GRM8: variants seen among roughly 807,000 people sequenced by gnomAD.
GRM8 encodes the protein glutamate metabotropic receptor 8.
In GRM8, 47 loss-of-function variants were observed where a neutral mutation model predicts 87.2. The observed-to-expected ratio is 0.54, with a 90% CI of 0.43 to 0.69. GRM8 has a LOEUF of 0.69. GRM8 is among the 30% of genes least tolerant of loss of function. The probability of loss-of-function intolerance (pLI) is 0.00; values close to 1 mark genes in which losing one functional copy is unlikely to be tolerated. For synonymous variants in GRM8, 396 were observed against 404.5 expected (o/e 0.98, Z 0.25); for missense variants, 1,019 against 1,139.2 (o/e 0.89, Z 1.52).
intron 3 of GRM8, among the ~76,000 whole-genome samples, chr7:127,028,168 T>C (rs1482753976): frequency 6.6e-6 from 1 of 152,226 alleles, no homozygotes; most frequent in Non-Finnish European, 1.5e-5. Context: ...CTTGCTTGCA[T>C]CCCAGGGATG....
chr7:126,642,497 G>A (rs971078204), intron 7 of GRM8, among the ~76,000 whole-genome samples: 11 of 151,930 alleles, frequency 7.2e-5, no homozygotes, highest in Admixed American at 2.0e-4. Flanking sequence ...AACATTAGCC[G>A]GGAGTGCTGG....
At chr7:127,034,285 T>C (rs2132329043) in intron 3 of GRM8, among the ~76,000 whole-genome samples, 1 of 152,340 alleles carries the variant, frequency 6.6e-6, no homozygotes, top group South Asian at 2.1e-4. Flanking sequence ...TACTATTCCC[T>C]ATTGTGTCAC....
intron 3 of GRM8, among the ~76,000 whole-genome samples, chr7:127,027,619 C>T (rs569416581): frequency 3.3e-5 from 5 of 151,876 alleles, no homozygotes; most frequent in South Asian, 2.1e-4. Context: ...AGTTCACTCA[C>T]GATTTGGCTG....
intron 9 of GRM8, among the ~76,000 whole-genome samples, chr7:126,487,421 C>T (rs574151347): frequency 2.0e-5 from 3 of 151,954 alleles, no homozygotes; most frequent in Admixed American, 2.0e-4. Context: ...TGTGCCACCA[C>T]ACGAGACGGA....
intron 2 of GRM8, among the ~76,000 whole-genome samples, chr7:127,194,739 C>A (rs993706765): frequency 2.0e-5 from 3 of 152,092 alleles, no homozygotes; most frequent in African/African-American, 7.2e-5. Context: ...AGTAATGAGA[C>A]TGATTTTGGC....
chr7:127,244,940 C>A (rs1798507074), intron 1 of GRM8, among the ~76,000 whole-genome samples: 1 of 152,220 alleles, frequency 6.6e-6, no homozygotes, highest in Non-Finnish European at 1.5e-5. Flanking sequence ...CAAGTATTCC[C>A]TGCCTCCGGG....
intron 6 of GRM8, among the ~76,000 whole-genome samples, chr7:126,876,467 G>C (rs923409132): frequency 2.0e-5 from 3 of 152,128 alleles, no homozygotes; most frequent in African/African-American, 7.2e-5. Flanking sequence ...AGGAAACTGA[G>C]AGAATTTAAT....
At chr7:126,523,411 G>GTA (rs1364811281) in intron 9 of GRM8, among the ~76,000 whole-genome samples, 1 of 151,786 alleles carries the variant, frequency 6.6e-6, no homozygotes, top group African/African-American at 2.4e-5. Context: ...ATTTTAGATA[G>GTA]TATCTATTGG....
chr7:126,929,536 C>T (rs1304808890), intron 3 of GRM8, among the ~76,000 whole-genome samples: 1 of 152,080 alleles, frequency 6.6e-6, no homozygotes, highest in African/African-American at 2.4e-5. Flanking sequence ...CGGGGTCAAG[C>T]GATTCTCCTG....
chr7:126,770,143 C>G lies in GRM8; in HGVS notation c.1157-78G>C, dbSNP rs146331190. On this transcript the variant is annotated intron_variant, in intron 6 of 10. Coordinates refer to ENST00000339582, the MANE Select transcript of GRM8 (RefSeq NM_000845.3). ...ACAGCATTAGAGCTAAGATTTCCATCATTTGAGGAACACTTAATGAGACAC... is the reference window on the plus strand; with the variant it reads ...ACAGCATTAGAGCTAAGATTTCCATGATTTGAGGAACACTTAATGAGACAC... The G allele has an allele frequency of 9.8e-6, 9 of 916,958 alleles. No homozygotes were observed. In the African/African-American group the frequency reaches 1.5e-4, roughly 15 times the overall value. 56.8% of individuals were successfully genotyped at this position (916,958 alleles called of 1,614,324 possible). A position where few individuals can be genotyped will look rare whatever the true frequency, so the allele number is the denominator to read the frequency against.
At chr7:127,209,978 G>T (rs1233703008) in intron 2 of GRM8, among the ~76,000 whole-genome samples, 1 of 152,036 alleles carries the variant, frequency 6.6e-6, no homozygotes, top group Non-Finnish European at 1.5e-5. Context: ...AAACCTAGGA[G>T]GCTCTCGTGT....
chr7:126,468,099 C>G (rs1804719071), intron 9 of GRM8, among the ~76,000 whole-genome samples: 1 of 151,994 alleles, frequency 6.6e-6, no homozygotes, highest in Admixed American at 6.6e-5. Context: ...GCCTCATAAA[C>G]CATGAAGCCC....
At chr7:126,518,706 C>T (rs547849742) in intron 9 of GRM8, among the ~76,000 whole-genome samples, 1 of 152,172 alleles carries the variant, frequency 6.6e-6, no homozygotes, top group South Asian at 2.1e-4. Flanking sequence ...TTGCATCTCT[C>T]ACTGAATATG....
At chr7:126,557,630 T>C (rs1297729534) in intron 8 of GRM8, among the ~76,000 whole-genome samples, 3 of 152,208 alleles carry the variant, frequency 2.0e-5, no homozygotes, top group African/African-American at 4.8e-5. Flanking sequence ...CTAATACCAA[T>C]GTAATGAGTA....
chr7:126,675,562 CCT>C (rs1806874155), intron 7 of GRM8, among the ~76,000 whole-genome samples: 1 of 152,152 alleles, frequency 6.6e-6, no homozygotes, highest in Non-Finnish European at 1.5e-5. Flanking sequence ...TGGGTTTCAT[CCT>C]AAGGATGCAG....
intron 8 of GRM8, among the ~76,000 whole-genome samples, chr7:126,565,155 T>A (rs1312440931): frequency 1.3e-5 from 2 of 152,156 alleles, no homozygotes; most frequent in African/African-American, 2.4e-5. Context: ...TGCCTACTCT[T>A]AGCACTTCTA....
intron 8 of GRM8, among the ~76,000 whole-genome samples, chr7:126,596,853 T>G (rs1370783808): frequency 1.3e-5 from 2 of 152,138 alleles, no homozygotes; most frequent in Admixed American, 1.3e-4. Flanking sequence ...ATGTTATCAT[T>G]GGAAAAAACT....
At chr7:126,459,202 T>C (rs186579857) in intron 9 of GRM8, among the ~76,000 whole-genome samples, 325 of 151,638 alleles carry the variant, frequency 2.1e-3, no homozygotes, top group South Asian at 4.1e-3. Context: ...AAATTTTGCA[T>C]AACTTTACAC....
intron 3 of GRM8, among the ~76,000 whole-genome samples, chr7:127,011,751 T>A (rs17866850): frequency 6.6e-6 from 1 of 152,288 alleles, no homozygotes; most frequent in African/African-American, 2.4e-5. Flanking sequence ...TACAGAAAGA[T>A]TACAAGACTT....
Sources: allele counts gnomAD v4.1 joint callset (sites outside exome capture counted in the v4.1 genomes callset), GRCh38; gene constraint gnomAD v4.1.1; transcripts MANE v1.5; gene names NCBI Gene and HGNC (gene_info 2026-07-23, HGNC 2026-07-21).